The following CLIP4 variants were observed in gnomAD, a reference collection of about 807,000 sequenced individuals.
CLIP4 encodes the protein CAP-Gly domain containing linker protein family member 4, also known as CAP-Gly domain-containing linker protein 4.
Under a neutral mutation model 73.1 loss-of-function variants are expected in CLIP4, and 47 were observed. The observed-to-expected ratio is 0.64, with a 90% CI of 0.51 to 0.82. The LOEUF (loss-of-function observed/expected upper bound fraction) is 0.82. Among genes scored for constraint, CLIP4 ranks in the 40% least tolerant of loss-of-function variants. The pLI, the probability that CLIP4 is intolerant of heterozygous loss-of-function variation, is 0.00. For synonymous variants in CLIP4, 306 were observed against 295.4 expected (o/e 1.04, Z -0.37); for missense variants, 874 against 852.9 (o/e 1.02, Z -0.31).
At chr2:29,169,892 C>G (rs1667893956) in intron 14 of CLIP4, among the ~76,000 whole-genome samples, 1 of 152,094 alleles carries the variant, frequency 6.6e-6, no homozygotes, top group Non-Finnish European at 1.5e-5. Flanking sequence ...ATTAGCCAAC[C>G]TCTCTTTATC....
At position 29,100,860 on chromosome 2, in the gene CLIP4, G is replaced by A. The variant is rs116472803; in HGVS notation, c.-16+2913G>A. ...AGGACAGGGTCCATTGTATTAGGGTGCTTTAGAGGGACAGAACTAATAGGA... is the reference window on the plus strand; with the variant it reads ...AGGACAGGGTCCATTGTATTAGGGTACTTTAGAGGGACAGAACTAATAGGA... On this transcript the variant is annotated intron_variant, in intron 1 of 14. Coordinates refer to the CLIP4 transcript ENST00000401605. Among the ~76,000 whole-genome samples the A allele has an allele frequency of 3.1e-3, 475 of 152,164 alleles. 1 individual carries two copies. The highest frequency in any genetic ancestry group is 0.011 in the African/African-American group (453 of 41,520).
chr2:29,152,721 A>G lies in CLIP4; in HGVS notation c.1058A>G (p.Lys353Arg), dbSNP rs1666655558. Residue 353 changes from lysine to arginine, a missense_variant, in exon 9 of 16, where the codon AAA (lysine) becomes AGA (arginine). Lys to Arg is a conservative substitution (Grantham distance 26). Transcript: ENST00000320081. ...CCTCTTTCAAAGATAAGTAAAGCAA[A>G]AGGTCGAAGGAAGAATATAACACAC... ...FAPLSKISKA[K>R]GRRKNITHTP... is the part of the protein sequence containing the mutation. 1 of 1,613,664 alleles carries G rather than the reference A, an allele frequency of 6.2e-7. No individual in the cohort carries two copies. Among genetic ancestry groups the G allele is most frequent in the African/African-American group, 1.3e-5 (1 of 75,030 alleles).
At chr2:29,112,252 A>G (rs1189664503), upstream of CLIP4, among the ~76,000 whole-genome samples, 1 of 152,138 alleles carries the variant, frequency 6.6e-6, no homozygotes, top group African/African-American at 2.4e-5. Flanking sequence ...TTCTCCTTAT[A>G]TATTTTGTAA....
chr2:29,107,680 G>C (rs888944313), intron 1 of CLIP4, among the ~76,000 whole-genome samples: 1 of 150,996 alleles, frequency 6.6e-6, no homozygotes, highest in African/African-American at 2.4e-5. Context: ...GGCTGAGACT[G>C]AAATTGTTTT....
chr2:29,127,603 AT>A (rs1363864027), intron 2 of CLIP4, among the ~76,000 whole-genome samples: 2 of 152,094 alleles, frequency 1.3e-5, no homozygotes, highest in Non-Finnish European at 2.9e-5. Flanking sequence ...GTCCCCTGTA[AT>A]TCTTGTTCTG....
In CLIP4 at chr2:29,165,975, CAA is replaced by C. The variant is rs35611841; in HGVS notation, c.1659-1489_1659-1488del. On this transcript the variant is annotated intron_variant, in intron 13 of 15. Coordinates refer to ENST00000320081, the MANE Select transcript of CLIP4 (RefSeq NM_024692.6). ...ATTTAAAAAGCAGCCCCCTCTTCTT[CAA>C]AAAAAAAAAAATAGGGCTGTCTCTA... Among the ~76,000 whole-genome samples, 219 of 146,252 alleles carry C rather than the reference CAA, an allele frequency of 1.5e-3. 1 individual carries two copies. Among genetic ancestry groups the C allele is most frequent in the Middle Eastern group, 7.2e-3 (2 of 278 alleles).
intron 2 of CLIP4, among the ~76,000 whole-genome samples, chr2:29,124,034 T>A: frequency 6.6e-6 from 1 of 152,338 alleles, no homozygotes; most frequent in Admixed American, 6.5e-5. Context: ...ATCTGTTAAA[T>A]TTAAATAATA....
chr2:29,171,751 C>T (rs928671210), intron 14 of CLIP4, among the ~76,000 whole-genome samples: 2 of 152,132 alleles, frequency 1.3e-5, no homozygotes, highest in African/African-American at 4.8e-5. Context: ...ATCTCCTGAC[C>T]TTGTGATCTG....
chr2:29,121,523 T>C lies in CLIP4; in HGVS notation c.133+2T>C. 1 of 1,612,860 alleles carries C rather than the reference T, an allele frequency of 6.2e-7. No individual in the cohort carries two copies. Among genetic ancestry groups the C allele is most frequent in the Non-Finnish European group, 8.5e-7 (1 of 1,179,694 alleles). ...CAGCACCAATGCCTTCAGACTGTGG[T>C]ATGTGAAGTAGCTGTGCTTATTTTC... On this transcript the variant is annotated splice_donor_variant, in intron 2 of 15. Transcript: ENST00000320081. LOFTEE classifies it high-confidence loss of function.
intron 1 of CLIP4, among the ~76,000 whole-genome samples, chr2:29,100,185 C>A (rs1318636104): frequency 6.6e-6 from 1 of 152,106 alleles, no homozygotes; most frequent in East Asian, 1.9e-4. Context: ...CCACCGTGGC[C>A]TCCCAAAATT....
At chr2:29,169,695 AG>A (rs1667879863) in intron 14 of CLIP4, among the ~76,000 whole-genome samples, 1 of 152,136 alleles carries the variant, frequency 6.6e-6, no homozygotes, top group African/African-American at 2.4e-5. Flanking sequence ...GTAATCATTA[AG>A]TCAGGGTAAT....
Position 29,101,372 on chromosome 2 carries a change from A to T in CLIP4, c.-16+3425A>T, listed in dbSNP as rs202147430. Among the ~76,000 whole-genome samples, 6 of 152,182 alleles carry T rather than the reference A, an allele frequency of 3.9e-5. No individual in the cohort carries two copies. In the East Asian group the frequency reaches 9.7e-4, roughly 25 times the overall value. On this transcript the variant is annotated intron_variant, in intron 1 of 14. Transcript: ENST00000401605. Reference sequence around the variant, plus strand: ...TCTTCAGTCTGTAGCTGAAGGCCCAATAGCCCCTGGCAAATCACTGCTGTA... The same window carrying T: ...TCTTCAGTCTGTAGCTGAAGGCCCATTAGCCCCTGGCAAATCACTGCTGTA...
chr2:29,158,725 A>G lies in CLIP4; in HGVS notation c.1399+1378A>G, dbSNP rs921074477. Among the ~76,000 whole-genome samples the G allele has an allele frequency of 4.6e-5, 7 of 152,212 alleles. 1 individual carries two copies. The South Asian group carries it at 1.4e-3, about 32-fold the overall frequency. On this transcript the variant is annotated intron_variant, in intron 11 of 15. Coordinates refer to ENST00000320081, the MANE Select transcript of CLIP4 (RefSeq NM_024692.6). ...AGAGTGGAAATAAAGGATTCGGGGA[A>G]TGGGAAAGGTAGGGACCTCGGCCTC...
chr2:29,135,441 A>G (rs1363992572), intron 5 of CLIP4, 107 bp from the exon 6 acceptor site: 1 of 647,238 alleles, frequency 1.5e-6, no homozygotes, highest in Non-Finnish European at 2.5e-6. Context: ...GGTTGATTTA[A>G]GTCTTACAAA....
At chr2:29,121,171 A>T (rs1310173828) in intron 1 of CLIP4, among the ~76,000 whole-genome samples, 2 of 152,136 alleles carry the variant, frequency 1.3e-5, no homozygotes, top group Non-Finnish European at 2.9e-5. Flanking sequence ...TGTGCTACCG[A>T]CTGGTATAAG....
Position 29,173,325 on chromosome 2 carries a change from T to C in CLIP4, c.1724-1048T>C, listed in dbSNP as rs184475010. ...GGATTAAGGTTGACATAAGTGACTT[T>C]CCTTTGTCTTCATCTGAACGGTGTT... is the stretch of plus-strand genomic sequence containing the variant. On this transcript the variant is annotated intron_variant, in intron 14 of 15. Transcript: ENST00000320081. Among the ~76,000 whole-genome samples, 6 of 152,372 alleles carry C rather than the reference T, an allele frequency of 3.9e-5. No homozygotes were observed. In the East Asian group the frequency reaches 1.2e-3, roughly 29 times the overall value.
At chr2:29,130,970 A>G in intron 2 of CLIP4, 12 of 1,199,366 alleles carry the variant, frequency 1.0e-5, no homozygotes, top group Non-Finnish European at 1.3e-5. Context: ...CAGATTTGCC[A>G]CTTACTAGCT....
chr2:29,142,568 A>G (rs566487582), intron 6 of CLIP4, among the ~76,000 whole-genome samples: 1 of 152,274 alleles, frequency 6.6e-6, no homozygotes, highest in East Asian at 1.9e-4. Flanking sequence ...CTGGGATTAG[A>G]AGAGTCCATT....
chr2:29,146,097 T>A (rs1666146498), intron 8 of CLIP4, among the ~76,000 whole-genome samples: 1 of 152,210 alleles, frequency 6.6e-6, no homozygotes, highest in Non-Finnish European at 1.5e-5. Flanking sequence ...GTGTCTTTCT[T>A]GGGACTGGTC....
Sources: allele counts gnomAD v4.1 joint callset (sites outside exome capture counted in the v4.1 genomes callset), GRCh38; gene constraint gnomAD v4.1.1; transcripts MANE v1.5; gene names NCBI Gene and HGNC (gene_info 2026-07-23, HGNC 2026-07-21).